WDR7: variants seen among roughly 807,000 people sequenced by gnomAD.
WDR7 encodes WD repeat domain 7.
WDR7 carries 46 observed loss-of-function variants against 169.4 expected under a neutral mutation model. That is an observed-to-expected ratio of 0.27 (90% CI 0.21 to 0.35). The LOEUF (loss-of-function observed/expected upper bound fraction) is 0.35. WDR7 is among the 10% of genes least tolerant of loss of function. The probability of loss-of-function intolerance (pLI) is 1.00; values close to 1 mark genes in which losing one functional copy is unlikely to be tolerated. For missense variants in WDR7, 1,534 were observed against 1,859.3 expected, an observed-to-expected ratio of 0.83 and a Z score of 3.22; for synonymous variants, 612 against 666.8, an observed-to-expected ratio of 0.92 and a Z score of 1.27.
chr18:56,700,950 A>G (rs2025821537), intron 12 of WDR7, among the ~76,000 whole-genome samples: 1 of 152,226 alleles, frequency 6.6e-6, no homozygotes, highest in Admixed American at 6.5e-5. Context: ...TTTAGCTTTT[A>G]CCTGATACGG....
intron 19 of WDR7, among the ~76,000 whole-genome samples, chr18:56,793,544 C>T (rs1222883801): frequency 6.6e-6 from 1 of 152,208 alleles, no homozygotes; most frequent in Non-Finnish European, 1.5e-5. Context: ...TTTTCTTTCA[C>T]ACTAAATATT....
At chr18:56,688,508 G>T (rs2025491036) in intron 7 of WDR7, among the ~76,000 whole-genome samples, 1 of 150,946 alleles carries the variant, frequency 6.6e-6, no homozygotes, top group African/African-American at 2.4e-5. Flanking sequence ...CACAAGGTCA[G>T]GAGTTCGAGA....
chr18:57,027,802 C>T lies in WDR7; in HGVS notation c.*595C>T, dbSNP rs1413063859. 6.5e-6 allele frequency: 1 copy of T among 152,834 alleles called. No homozygotes were observed. The highest frequency in any genetic ancestry group is 2.4e-5 in the African/African-American group (1 of 41,438). 9.5% of individuals were successfully genotyped at this position (152,834 alleles called of 1,614,324 possible). ...TAGCTACCACCTTCTTTATCAACAG[C>T]TAACCAATTTGAGATTCATGATTAA... On this transcript the variant is annotated 3_prime_UTR_variant, in exon 28 of 28. Transcript: ENST00000254442.
intron 7 of WDR7, among the ~76,000 whole-genome samples, chr18:56,688,347 A>C (rs2144603596): frequency 6.6e-6 from 1 of 152,274 alleles, no homozygotes; most frequent in Admixed American, 6.5e-5. Flanking sequence ...AATTAGGAAA[A>C]GCTAGCTGCT....
chr18:56,806,871 A>G (rs1264222531), intron 19 of WDR7, among the ~76,000 whole-genome samples: 3 of 152,074 alleles, frequency 2.0e-5, no homozygotes, highest in East Asian at 1.9e-4. Flanking sequence ...TATTATACCT[A>G]TTGCACGGTT....
Position 56,798,526 on chromosome 18 carries a change from A to G in WDR7, c.3190+16870A>G, listed in dbSNP as rs371018607. On this transcript the variant is annotated intron_variant, in intron 19 of 27. Transcript: ENST00000254442. ...AATTATCCAACCCAGAATGTTAGTA[A>G]TGAGTTAAGATATCCTGGGCTAGAA... Among the ~76,000 whole-genome samples, 10 of 152,208 alleles carry G rather than the reference A, an allele frequency of 6.6e-5. No individual in the cohort carries two copies. In the East Asian group the frequency reaches 7.7e-4, roughly 12 times the overall value.
At chr18:56,711,755 G>A (rs1458572677) in intron 12 of WDR7, among the ~76,000 whole-genome samples, 2 of 151,460 alleles carry the variant, frequency 1.3e-5, no homozygotes, top group Non-Finnish European at 2.9e-5. Context: ...GTCTAGTTTT[G>A]TGAAAGTGTA....
chr18:56,926,022 CAGAAGTACTGGTGGT>C (rs1226940172), intron 22 of WDR7, among the ~76,000 whole-genome samples: 1 of 152,196 alleles, frequency 6.6e-6, no homozygotes, highest in Non-Finnish European at 1.5e-5. Flanking sequence ...TCCTATGTGG[CAGAAGTACTGGTGGT>C]ACTGGTGGTG....
At chr18:56,820,359 A>AAAAAAAAAAAAAAAAAAAAAACAAAAAC (rs1044771844) in intron 20 of WDR7, among the ~76,000 whole-genome samples, 6 of 127,502 alleles carry the variant, frequency 4.7e-5, no homozygotes, top group African/African-American at 2.1e-4. Context: ...AAAAAAAAAA[A>AAAAAAAAAAAAAAAAAAAAAACAAAAAC]AAAAACCACC....
intron 20 of WDR7, among the ~76,000 whole-genome samples, chr18:56,854,397 G>A (rs1238501906): frequency 6.6e-6 from 1 of 152,178 alleles, no homozygotes; most frequent in Non-Finnish European, 1.5e-5. Context: ...AGTTGCATTG[G>A]GCAAGGCATA....
intron 26 of WDR7, among the ~76,000 whole-genome samples, chr18:56,994,168 C>A (rs1047169826): frequency 2.6e-5 from 4 of 151,904 alleles, no homozygotes; most frequent in African/African-American, 9.7e-5. Flanking sequence ...TACAGGCATA[C>A]GCCACCACGC....
chr18:56,896,847 CTT>C (rs1487361356), intron 21 of WDR7, among the ~76,000 whole-genome samples: 1 of 151,706 alleles, frequency 6.6e-6, no homozygotes, highest in Admixed American at 6.6e-5. Flanking sequence ...AACTTACAAA[CTT>C]TTCTTCATCA....
Position 56,758,871 on chromosome 18 carries a change from T to C in WDR7, c.2766T>C (p.Pro922=), listed in dbSNP as rs1354805625. The C allele has an allele frequency of 6.2e-7, 1 of 1,611,908 alleles. No individual in the cohort carries two copies. The highest frequency in any genetic ancestry group is 1.3e-5 in the African/African-American group (1 of 74,990). The part of the protein sequence containing the change: ...DHMKKGPTRP[P]RPSTPDLSKA... ...TTTTTTCTTCTTTTTTAAGGCCACC[T>C]AGACCAAGCACCCCAGACCTTTCTA... Residue 922 remains proline, a synonymous_variant, in exon 16 of 28, where the codon CCT becomes CCC. Transcript: ENST00000254442.
At chr18:56,822,317 A>AAT (rs2045113492) in intron 20 of WDR7, among the ~76,000 whole-genome samples, 1 of 152,242 alleles carries the variant, frequency 6.6e-6, no homozygotes, top group Non-Finnish European at 1.5e-5. Flanking sequence ...CATCAGTATA[A>AAT]AACTGATACA....
intron 19 of WDR7, among the ~76,000 whole-genome samples, chr18:56,803,761 G>A (rs1476601629): frequency 6.6e-6 from 1 of 152,166 alleles, no homozygotes; most frequent in Non-Finnish European, 1.5e-5. Context: ...CAGGCACTGT[G>A]CTAAACTCAA....
At chr18:56,741,859 T>C (rs566762875) in intron 14 of WDR7, among the ~76,000 whole-genome samples, 6 of 152,218 alleles carry the variant, frequency 3.9e-5, no homozygotes, top group Non-Finnish European at 8.8e-5. Flanking sequence ...GATCCTTGAA[T>C]TAGACATGAC....
intron 14 of WDR7, among the ~76,000 whole-genome samples, chr18:56,743,683 T>A (rs2043655372): frequency 2.6e-5 from 4 of 152,134 alleles, no homozygotes; most frequent in Admixed American, 2.6e-4. Context: ...TAGTAACAAA[T>A]GTATAATACT....
intron 16 of WDR7, among the ~76,000 whole-genome samples, chr18:56,776,414 A>G (rs78118330): frequency 0.033 from 4,994 of 152,294 alleles, 128 homozygotes; most frequent in African/African-American, 0.073. Context: ...GAAGACCAAC[A>G]TAAAGCTTTT....
At chr18:57,023,481 A>G (rs2048318293) in intron 27 of WDR7, among the ~76,000 whole-genome samples, 1 of 152,242 alleles carries the variant, frequency 6.6e-6, no homozygotes, top group African/African-American at 2.4e-5. Context: ...CATTACTTAC[A>G]TTGGGAATAG....
Sources: allele counts gnomAD v4.1 joint callset (sites outside exome capture counted in the v4.1 genomes callset), GRCh38; gene constraint gnomAD v4.1.1; transcripts MANE v1.5; gene names NCBI Gene and HGNC (gene_info 2026-07-23, HGNC 2026-07-21).